SLC9A7: variants seen among roughly 807,000 people sequenced by gnomAD.
SLC9A7 encodes solute carrier family 9 member A7.
SLC9A7 carries 19 observed loss-of-function variants against 52.6 expected under a neutral mutation model. The observed-to-expected ratio is 0.36, with a 90% CI of 0.25 to 0.53. The LOEUF is 0.53. SLC9A7 is among the 20% of genes least tolerant of loss of function. The probability of loss-of-function intolerance (pLI) is 0.91; values close to 1 mark genes in which losing one functional copy is unlikely to be tolerated. For missense variants in SLC9A7, 455 were observed against 597.9 expected (o/e 0.76, Z 2.49); for synonymous variants, 226 against 252.1 (o/e 0.90, Z 0.98).
chrX:46,606,739 G>C lies in SLC9A7; in HGVS notation c.*213C>G. On this transcript the variant is annotated 3_prime_UTR_variant, in exon 17 of 17. Coordinates refer to ENST00000616978, the MANE Select transcript of SLC9A7 (RefSeq NM_001257291.2). ...GCGCACTACTATGTGAAAAAAGTGG[G>C]AATAGGTCTACGTTTGTCTGAATTT... 1 of 1,078,411 alleles carries C rather than the reference G, an allele frequency of 9.3e-7. No individual in the cohort carries two copies. The highest frequency in any genetic ancestry group is 1.2e-6 in the Non-Finnish European group (1 of 833,464). 88.9% of individuals were successfully genotyped at this position (1,078,411 alleles called of 1,213,427 possible).
At chrX:46,640,991 T>C (rs1206910030) in intron 12 of SLC9A7, among the ~76,000 whole-genome samples, 1 of 112,558 alleles carries the variant, frequency 8.9e-6, no homozygotes, top group Admixed American at 9.4e-5. Context: ...CTTATAAAAC[T>C]AAACACGTTT....
intron 1 of SLC9A7, among the ~76,000 whole-genome samples, chrX:46,738,027 AAAAAAAAG>A (rs1256077747): frequency 9.1e-5 from 8 of 88,144 alleles, no homozygotes; most frequent in African/African-American, 3.3e-4. Context: ...ACCCTGTCTC[AAAAAAAAG>A]AAAGAAAGAA....
intron 1 of SLC9A7, among the ~76,000 whole-genome samples, chrX:46,755,640 T>C (rs1922598200): frequency 1.8e-5 from 2 of 109,472 alleles, no homozygotes; most frequent in Non-Finnish European, 3.8e-5. Context: ...CTGGCCAAGA[T>C]GGTGAAACCC....
Position 46,600,408 on chromosome X carries a change from G to GAGA in SLC9A7, c.*6541_*6543dup, listed in dbSNP as rs764252530. On this transcript the variant is annotated 3_prime_UTR_variant, in exon 17 of 17. Coordinates refer to ENST00000616978, the MANE Select transcript of SLC9A7 (RefSeq NM_001257291.2). ...CCTTTTGAAAGGTGGTCATCAGAAG[G>GAGA]AGAAGGTGACTTCTGCTGTGTGCGC... The GAGA allele has an allele frequency of 2.3e-4, 26 of 111,714 alleles. No homozygotes were observed. The highest frequency in any genetic ancestry group is 8.1e-4 in the African/African-American group (25 of 30,795). 9.2% of individuals were successfully genotyped at this position (111,714 alleles called of 1,213,427 possible).
chrX:46,736,528 AG>A (rs1273160338), intron 1 of SLC9A7, among the ~76,000 whole-genome samples: 1 of 111,594 alleles, frequency 9.0e-6, no homozygotes, highest in East Asian at 2.8e-4. Flanking sequence ...AATGGTACTG[AG>A]GTAAATATTT....
In SLC9A7 at chrX:46,658,878, C is replaced by G. The variant is rs867557420; in HGVS notation, c.1041+3138G>C. Among the ~76,000 whole-genome samples, 721 of 110,430 alleles carry G rather than the reference C, an allele frequency of 6.5e-3. 4 individuals are homozygous for G. The highest frequency in any genetic ancestry group is 9.3e-3 in the Non-Finnish European group (488 of 52,652). On this transcript the variant is annotated intron_variant, in intron 7 of 16. Transcript: ENST00000616978. ...ATCCTCCCTAACTCATTTTATGAGG[C>G]CAGCATCATCCTGATACCAAAGCTG...
chrX:46,708,504 TG>T (rs1437335257), intron 1 of SLC9A7, among the ~76,000 whole-genome samples: 2 of 108,056 alleles, frequency 1.9e-5, no homozygotes, highest in African/African-American at 3.4e-5. Context: ...CACTCCAGCC[TG>T]GGCGACAGAG....
At chrX:46,715,315 A>G (rs1944752563) in intron 1 of SLC9A7, among the ~76,000 whole-genome samples, 1 of 111,961 alleles carries the variant, frequency 8.9e-6, no homozygotes, top group African/African-American at 3.2e-5. Flanking sequence ...TTTCTTTTCT[A>G]TTTCACATGT....
chrX:46,672,796 T>C (rs2294343), intron 3 of SLC9A7, among the ~76,000 whole-genome samples, 169 bp from the exon 4 acceptor site: 12,388 of 112,141 alleles, frequency 0.11, 1,348 homozygotes, highest in African/African-American at 0.34. Flanking sequence ...TTAGACATCA[T>C]GGTTTTAAGT....
chrX:46,656,592 T>C (rs1320994600), intron 7 of SLC9A7, among the ~76,000 whole-genome samples: 3 of 112,240 alleles, frequency 2.7e-5, no homozygotes, highest in Non-Finnish European at 5.6e-5. Context: ...CCTCAGGAGC[T>C]GATGCGATCA....
At chrX:46,758,387 A>G (rs1364682714) in intron 1 of SLC9A7, among the ~76,000 whole-genome samples, 6 of 111,838 alleles carry the variant, frequency 5.4e-5, no homozygotes, top group African/African-American at 2.0e-4. Context: ...CACCCTATCG[A>G]GCTCAACTGG....
intron 14 of SLC9A7, among the ~76,000 whole-genome samples, chrX:46,627,135 G>A (rs988899416): frequency 2.7e-5 from 3 of 110,929 alleles, no homozygotes; most frequent in Non-Finnish European, 5.7e-5. Context: ...AACAAAGCAA[G>A]ACCCTGTCTC....
In SLC9A7 at chrX:46,651,153, A is replaced by C; in HGVS notation, c.1307T>G (p.Phe436Cys). The stretch of plus-strand genomic sequence containing the variant: ...AATGGGGCTGAAAACGTGCTTCTGG[A>C]AGGTAAACAGTGCCAGGCCCATGTA... ...FSYMGLALFT[F>C]QKHVFSPIFI... Residue 436 changes from phenylalanine (F) to cysteine (C), a missense_variant, in exon 10 of 17, where the codon TTC (phenylalanine) becomes TGC (cysteine). By Grantham distance (205) the Phe-to-Cys change is radical. Coordinates refer to ENST00000616978, the MANE Select transcript of SLC9A7 (RefSeq NM_001257291.2). The C allele has an allele frequency of 8.3e-7, 1 of 1,210,386 alleles. No individual in the cohort carries two copies. The highest frequency in any genetic ancestry group is 1.1e-6 in the Non-Finnish European group (1 of 894,616).
intron 15 of SLC9A7, among the ~76,000 whole-genome samples, chrX:46,616,378 T>A (rs1184135167): frequency 9.3e-6 from 1 of 107,368 alleles, no homozygotes; most frequent in Non-Finnish European, 1.9e-5. Context: ...CAAAAACCAG[T>A]AAGCAGCATT....
rs782120537 is a variant in SLC9A7 at position 46,753,705 on chromosome X, C to T, written c.325+5000G>A. Among the ~76,000 whole-genome samples, 23 of 111,633 alleles carry T rather than the reference C, an allele frequency of 2.1e-4. No individual in the cohort carries two copies. In the South Asian group the frequency reaches 7.9e-3, roughly 38 times the overall value. On this transcript the variant is annotated intron_variant, in intron 1 of 16. Coordinates refer to ENST00000616978, the MANE Select transcript of SLC9A7 (RefSeq NM_001257291.2). ...GCTGAATAAAAGAGTAGGTGTGGGCCGGGCACGGTGGCTCATGCCTGTAAT... is the reference window on the plus strand; with the variant it reads ...GCTGAATAAAAGAGTAGGTGTGGGCTGGGCACGGTGGCTCATGCCTGTAAT...
rs192106679 is a variant in SLC9A7, at chrX:46,637,412, C to T, written c.1617-1764G>A. ...TAAAGAGCTCAGGGCTTCTCCCTGCCTTTATTCCTTATGTTATCTTGCAAA... is the reference window on the plus strand; with the variant it reads ...TAAAGAGCTCAGGGCTTCTCCCTGCTTTTATTCCTTATGTTATCTTGCAAA... On this transcript the variant is annotated intron_variant, in intron 12 of 16. Coordinates refer to ENST00000616978, the MANE Select transcript of SLC9A7 (RefSeq NM_001257291.2). 1.9e-3 allele frequency among the ~76,000 whole-genome samples: 217 copies of T among 112,674 alleles called. 1 individual carries two copies. Among genetic ancestry groups the T allele is most frequent in the African/African-American group, 6.6e-3 (206 of 31,065 alleles).
chrX:46,675,031 GAGAGAGAGAGAGAA>G (rs1944088311), intron 3 of SLC9A7, among the ~76,000 whole-genome samples: 1 of 107,454 alleles, frequency 9.3e-6, no homozygotes, highest in South Asian at 4.1e-4. Flanking sequence ...GTGAGTGAGG[GAGAGAGAGAGAGAA>G]AGAGAGAGAG....
chrX:46,610,281 G>C (rs747454622), intron 16 of SLC9A7, among the ~76,000 whole-genome samples: 14 of 112,782 alleles, frequency 1.2e-4, no homozygotes, highest in Non-Finnish European at 7.5e-5. Flanking sequence ...ATTTTCAAAA[G>C]TGAAAGAACA....
Position 46,606,600 on chromosome X carries a change from T to A in SLC9A7, c.*352A>T. 1 of 894,304 alleles carries A rather than the reference T, an allele frequency of 1.1e-6. No homozygotes were observed. The highest frequency in any genetic ancestry group is 5.5e-5 in the Admixed American group (1 of 18,100). The allele number at this position is 894,304 out of a possible 1,213,427, so 73.7% of individuals were successfully genotyped here. ...CTGTGTACTGAGATGCAGCCTCTCA[T>A]GGGAGGAATCCCCCCACCCAGCACC... On this transcript the variant is annotated 3_prime_UTR_variant, in exon 17 of 17. Transcript: ENST00000616978.
Sources: allele counts gnomAD v4.1 joint callset (sites outside exome capture counted in the v4.1 genomes callset), GRCh38; gene constraint gnomAD v4.1.1; transcripts MANE v1.5; gene names NCBI Gene and HGNC (gene_info 2026-07-23, HGNC 2026-07-21).